Variants in DDB1 observed in about 807,000 individuals in gnomAD.
DDB1 encodes the protein damage specific DNA binding protein 1.
DDB1 carries 18 observed loss-of-function variants against 133.1 expected under a neutral mutation model. The observed-to-expected ratio is 0.14, with a 90% CI of 0.09 to 0.20. The LOEUF (loss-of-function observed/expected upper bound fraction) is 0.20, where lower values mean the gene tolerates loss of function less well. Ranked by LOEUF, DDB1 falls within the 10% of genes least tolerant of loss-of-function variation. The pLI, the probability that DDB1 is intolerant of heterozygous loss-of-function variation, is 1.00. For synonymous variants in DDB1, 580 were observed against 550.5 expected (o/e 1.05, Z -0.75); for missense variants, 828 against 1,459.2 (o/e 0.57, Z 7.05).
Position 61,316,548 on chromosome 11 carries a change from A to C in DDB1, c.1245T>G (p.Ser415=). ...PGIKGLWPLR[S]DPNRETDDTL... ...TGTCATCAGTCTCACGATTAGGGTCAGACCGCAGTGGCCATAATCCTGGAA... is the reference window on the plus strand; with the variant it reads ...TGTCATCAGTCTCACGATTAGGGTCCGACCGCAGTGGCCATAATCCTGGAA... Residue 415 remains serine, a synonymous_variant, in exon 11 of 27, where the codon TCT becomes TCG. Transcript: ENST00000301764. The C allele has an allele frequency of 6.2e-7, 1 of 1,614,208 alleles. No homozygotes were observed. Among genetic ancestry groups the C allele is most frequent in the South Asian group, 1.1e-5 (1 of 91,088 alleles).
chr11:61,327,299 G>A (rs754593173), intron 4 of DDB1, among the ~76,000 whole-genome samples: 14 of 152,068 alleles, frequency 9.2e-5, no homozygotes, highest in Non-Finnish European at 1.5e-4. Context: ...GCAAAACCCC[G>A]TCCCTGCTAA....
Position 61,312,095 on chromosome 11 carries a change from G to A in DDB1, c.2070-11C>T. ...TTGGCCAGCGCCAGGCTGGAAAGAA[G>A]GGTCTGGGTTTAGACTGAGGAGACT... is the stretch of plus-strand genomic sequence containing the variant. On this transcript the variant is annotated splice_polypyrimidine_tract_variant and intron_variant, in intron 16 of 26. Transcript: ENST00000301764. 1 of 1,614,000 alleles carries A rather than the reference G, an allele frequency of 6.2e-7. No homozygotes were observed. Among genetic ancestry groups the A allele is most frequent in the South Asian group, 1.1e-5 (1 of 91,072 alleles).
intron 1 of DDB1, 51 bp downstream of exon 1, chr11:61,332,857 G>T: frequency 7.2e-7 from 1 of 1,387,402 alleles, no homozygotes. Flanking sequence ...CTAGGCCGCG[G>T]CTCCCCCCAA....
chr11:61,313,567 G>T lies in DDB1; in HGVS notation c.2001C>A (p.Val667=). ...TVIYSSNHKL[V]FSNVNLKEVN... is the part of the protein sequence containing the mutation. ...CTTCCTTGAGGTTGACATTTGAGAA[G>T]ACCAATTTGTGGTTGCTGCTATAGA... The change falls in exon 16 of 27, where the codon GTC becomes GTA. Residue 667 remains valine, a synonymous_variant. Transcript: ENST00000301764. The T allele has an allele frequency of 6.2e-7, 1 of 1,614,182 alleles. No individual in the cohort carries two copies. The highest frequency in any genetic ancestry group is 8.5e-7 in the Non-Finnish European group (1 of 1,180,048).
intron 21 of DDB1, among the ~76,000 whole-genome samples, chr11:61,308,220 A>C (rs1008568131): frequency 6.6e-6 from 1 of 152,114 alleles, no homozygotes; most frequent in Non-Finnish European, 1.5e-5. Flanking sequence ...CAGTCCCCAC[A>C]GACACCAGGC....
intron 16 of DDB1, 73 bp downstream of exon 16, chr11:61,313,426 G>A (rs565488437): frequency 1.1e-4 from 155 of 1,378,816 alleles, no homozygotes; most frequent in Non-Finnish European, 1.5e-4. Context: ...AAGGCTTTGA[G>A]GTAAGGGTTT....
rs1374024473 is a variant in DDB1 at position 61,329,593 on chromosome 11, C to G, written c.328-9G>C. The G allele has an allele frequency of 1.3e-6, 2 of 1,599,872 alleles. No homozygotes were observed. Among genetic ancestry groups the G allele is most frequent in the African/African-American group, 2.7e-5 (2 of 74,608 alleles). On this transcript the variant is annotated splice_polypyrimidine_tract_variant and intron_variant, in intron 3 of 26. Coordinates refer to ENST00000301764, the MANE Select transcript of DDB1 (RefSeq NM_001923.5). ...GGGCGGCCAATGCGGTCCTGAGAAA[C>G]AAAATCGGGATTAGGGAAGAACCTC...
chr11:61,317,939 T>C (rs1856118831), intron 10 of DDB1, among the ~76,000 whole-genome samples: 1 of 152,152 alleles, frequency 6.6e-6, no homozygotes, highest in Admixed American at 6.5e-5. Flanking sequence ...AGGATCTTGC[T>C]ATGTTGCTCC....
chr11:61,327,339 C>T (rs1856286840), intron 4 of DDB1, among the ~76,000 whole-genome samples: 1 of 151,798 alleles, frequency 6.6e-6, no homozygotes, highest in Non-Finnish European at 1.5e-5. Context: ...CATGGGGGCG[C>T]GTGCCTACAG....
At chr11:61,318,562 A>G (rs1024615334) in intron 10 of DDB1, among the ~76,000 whole-genome samples, 14 of 152,296 alleles carry the variant, frequency 9.2e-5, no homozygotes, top group African/African-American at 2.9e-4. Flanking sequence ...GGGACAGAAA[A>G]TTTAGTGATC....
At chr11:61,329,932 T>C (rs772868571) in intron 3 of DDB1, 26 bp downstream of exon 3, 14 of 1,585,592 alleles carry the variant, frequency 8.8e-6, no homozygotes, top group Non-Finnish European at 9.5e-6. Flanking sequence ...TAGAAAACTT[T>C]CATTGGCCTA....
chr11:61,316,888 C>A (rs1856077585), intron 10 of DDB1, among the ~76,000 whole-genome samples: 1 of 128,954 alleles, frequency 7.8e-6, no homozygotes, highest in Non-Finnish European at 1.7e-5. Flanking sequence ...TCATTGCACT[C>A]CAGCCTGGGT....
chr11:61,316,187 G>T, intron 12 of DDB1, 98 bp downstream of exon 12: 1 of 975,386 alleles, frequency 1.0e-6, no homozygotes, highest in Non-Finnish European at 1.6e-6. Flanking sequence ...TATTTTTGGA[G>T]CCATAAAAAT....
chr11:61,329,051 G>C (rs928185987), intron 4 of DDB1, among the ~76,000 whole-genome samples: 2 of 151,990 alleles, frequency 1.3e-5, no homozygotes, highest in African/African-American at 4.8e-5. Context: ...TAATCCCCTA[G>C]CACTCCAGTA....
Position 61,309,785 on chromosome 11 carries a change from C to G in DDB1, c.2566+11G>C. The G allele has an allele frequency of 1.9e-6, 3 of 1,607,306 alleles. No individual in the cohort carries two copies. Among genetic ancestry groups the G allele is most frequent in the Non-Finnish European group, 1.7e-6 (2 of 1,175,944 alleles). On this transcript the variant is annotated intron_variant, in intron 20 of 26. Transcript: ENST00000301764. ...CACATCCCTCAGAAACTGGAGACTGCGCCCACTTACCATCCGAATACTGAA... is the reference window on the plus strand; with the variant it reads ...CACATCCCTCAGAAACTGGAGACTGGGCCCACTTACCATCCGAATACTGAA...
At chr11:61,300,526 C>A (rs777425581) in intron 26 of DDB1, among the ~76,000 whole-genome samples, 2 of 152,216 alleles carry the variant, frequency 1.3e-5, no homozygotes, top group Non-Finnish European at 2.9e-5. Context: ...CTGCCTCCCA[C>A]CTTTGGGTCT....
chr11:61,322,768 G>A (rs961575092), intron 8 of DDB1: 1 of 549,226 alleles, frequency 1.8e-6, no homozygotes, highest in African/African-American at 1.9e-5. Flanking sequence ...TTTGAAGGTA[G>A]GAGCTGGGTC....
chr11:61,325,325 G>A (rs1227406737), intron 6 of DDB1, among the ~76,000 whole-genome samples: 4 of 152,124 alleles, frequency 2.6e-5, no homozygotes, highest in African/African-American at 4.8e-5. Context: ...CAGCCTGAGC[G>A]ACAGAGTAAG....
chr11:61,301,372 G>A (rs1855791043), intron 25 of DDB1: 1 of 153,610 alleles, frequency 6.5e-6, no homozygotes, highest in South Asian at 2.0e-4. Flanking sequence ...GACCAAACCG[G>A]GGCAACATCA....
Sources: allele counts gnomAD v4.1 joint callset (sites outside exome capture counted in the v4.1 genomes callset), GRCh38; gene constraint gnomAD v4.1.1; transcripts MANE v1.5; gene names NCBI Gene and HGNC (gene_info 2026-07-23, HGNC 2026-07-21).